The following TEAD1 variants were observed in gnomAD, a reference collection of about 807,000 sequenced individuals.
TEAD1 encodes the protein TEA domain transcription factor 1, also known as transcriptional enhancer factor TEF-1.
A neutral mutation model predicts 54.9 loss-of-function variants in TEAD1; 9 were observed. The ratio of observed to expected loss-of-function variants is 0.16; its 90% CI spans 0.10 to 0.29. TEAD1 has a LOEUF of 0.29. Ranked by LOEUF, TEAD1 falls within the 10% of genes least tolerant of loss-of-function variation. The probability of loss-of-function intolerance (pLI) is 1.00; values close to 1 mark genes in which losing one functional copy is unlikely to be tolerated. For synonymous variants in TEAD1, 200 were observed against 187.8 expected, an observed-to-expected ratio of 1.07 and a Z score of -0.53; for missense variants, 387 against 535.9, an observed-to-expected ratio of 0.72 and a Z score of 2.74.
chr11:12,863,992 G>A (rs1947559574), intron 4 of TEAD1, among the ~76,000 whole-genome samples: 1 of 151,180 alleles, frequency 6.6e-6, no homozygotes, highest in Non-Finnish European at 1.5e-5. Flanking sequence ...CACACATTTC[G>A]CTTTGTAATA....
At chr11:12,711,739 C>A (rs1057069763) in intron 2 of TEAD1, among the ~76,000 whole-genome samples, 6 of 152,132 alleles carry the variant, frequency 3.9e-5, no homozygotes, top group Admixed American at 2.6e-4. Context: ...AGCAAGGTAA[C>A]GTGGAAGGTG....
intron 10 of TEAD1, among the ~76,000 whole-genome samples, chr11:12,904,286 A>C (rs1034271021): frequency 6.6e-6 from 1 of 152,200 alleles, no homozygotes; most frequent in African/African-American, 2.4e-5. Flanking sequence ...ATCAAGGAAA[A>C]CAAATGACAT....
In TEAD1 at chr11:12,736,971, A is replaced by G. The variant is rs186890619; in HGVS notation, c.-54-27208A>G. 7.9e-5 allele frequency among the ~76,000 whole-genome samples: 12 copies of G among 152,332 alleles called. No homozygotes were observed. In the East Asian group the frequency reaches 2.1e-3, roughly 27 times the overall value. ...TTGTATCTATATGTATGTATTAAATATAGTCAATAATACTTTATGGGACTT... is the reference window on the plus strand; with the variant it reads ...TTGTATCTATATGTATGTATTAAATGTAGTCAATAATACTTTATGGGACTT... On this transcript the variant is annotated intron_variant, in intron 2 of 12. Coordinates refer to ENST00000527636, the MANE Select transcript of TEAD1 (RefSeq NM_021961.6).
intron 9 of TEAD1, among the ~76,000 whole-genome samples, chr11:12,887,097 G>GTTT (rs150663285): frequency 3.5e-5 from 4 of 112,824 alleles, no homozygotes; most frequent in Middle Eastern, 4.3e-3. Flanking sequence ...TTTTTTGTTT[G>GTTT]TTTTTTTTTT....
At chr11:12,925,092 C>A (rs1268610808) in intron 11 of TEAD1, 40 bp downstream of exon 11, 60 of 1,610,988 alleles carry the variant, frequency 3.7e-5, no homozygotes, top group Non-Finnish European at 4.8e-5. Flanking sequence ...CATTCAAGGG[C>A]AGACTGTTGC....
rs1261885346 is a variant in TEAD1, at chr11:12,929,196, GTGTGTCTGC to G, written c.1015-976_1015-968del. On this transcript the variant is annotated intron_variant, in intron 11 of 12. Coordinates refer to ENST00000527636, the MANE Select transcript of TEAD1 (RefSeq NM_021961.6). The stretch of plus-strand genomic sequence containing the variant: ...TGTGTGTGTGTGTGTGTGTGTGTGT[GTGTGTCTGC>G]TTTAGGGTTATGTGAAATAATCTCT... 3.7e-3 allele frequency among the ~76,000 whole-genome samples: 322 copies of G among 87,670 alleles called. 2 individuals carry two copies. Among genetic ancestry groups the G allele is most frequent in the African/African-American group, 0.011 (277 of 25,210 alleles). 57.5% of individuals were successfully genotyped at this position (87,670 alleles called of 152,430 possible).
chr11:12,808,733 A>G (rs1946229809), intron 3 of TEAD1, among the ~76,000 whole-genome samples: 2 of 152,134 alleles, frequency 1.3e-5, no homozygotes, highest in South Asian at 2.1e-4. Context: ...CACAGCTGCA[A>G]TTTCTCTGCC....
intron 10 of TEAD1, among the ~76,000 whole-genome samples, chr11:12,909,262 T>G (rs1234881907): frequency 6.6e-6 from 1 of 152,242 alleles, no homozygotes; most frequent in African/African-American, 2.4e-5. Flanking sequence ...GTTCTAAAAT[T>G]GGAATGCTTC....
At chr11:12,753,081 C>T (rs1285640156) in intron 2 of TEAD1, among the ~76,000 whole-genome samples, 4 of 151,004 alleles carry the variant, frequency 2.6e-5, no homozygotes, top group African/African-American at 9.8e-5. Flanking sequence ...TGCGCTGAAG[C>T]AATCTGCCCA....
At chr11:12,840,517 C>A (rs11022516) in intron 3 of TEAD1, among the ~76,000 whole-genome samples, 1 of 152,108 alleles carries the variant, frequency 6.6e-6, no homozygotes, top group Non-Finnish European at 1.5e-5. Flanking sequence ...AATAGTCTTT[C>A]ACTTAACTTT....
chr11:12,849,032 A>G (rs970723737), intron 3 of TEAD1: 1 of 152,160 alleles, frequency 6.6e-6, no homozygotes, highest in African/African-American at 2.4e-5. Flanking sequence ...TCATTGCCCA[A>G]CTTTCTTGCT....
intron 2 of TEAD1, among the ~76,000 whole-genome samples, chr11:12,727,958 C>G (rs1439189989): frequency 6.6e-6 from 1 of 151,936 alleles, no homozygotes; most frequent in African/African-American, 2.4e-5. Context: ...TCATTAAATG[C>G]TTGAATGAAT....
intron 2 of TEAD1, among the ~76,000 whole-genome samples, chr11:12,747,599 G>A (rs922530414): frequency 3.3e-5 from 5 of 152,350 alleles, no homozygotes; most frequent in Middle Eastern, 3.4e-3. Context: ...GTCTCTCAGA[G>A]TGCTAGGATT....
At chr11:12,819,602 C>T (rs1946493599) in intron 3 of TEAD1, among the ~76,000 whole-genome samples, 1 of 152,014 alleles carries the variant, frequency 6.6e-6, no homozygotes, top group African/African-American at 2.4e-5. Context: ...GCGCCCGCCA[C>T]CAAGCCCGGC....
chr11:12,860,107 A>G (rs888456792), intron 3 of TEAD1, among the ~76,000 whole-genome samples: 8 of 152,182 alleles, frequency 5.3e-5, no homozygotes, highest in African/African-American at 1.9e-4. Context: ...AAAGTAACAC[A>G]GGAGGTTTAG....
chr11:12,819,660 C>T (rs2134000614), intron 3 of TEAD1, among the ~76,000 whole-genome samples: 1 of 152,056 alleles, frequency 6.6e-6, no homozygotes, highest in East Asian at 1.9e-4. Context: ...ACCATGTTAG[C>T]CAGGATGGTC....
intron 3 of TEAD1, among the ~76,000 whole-genome samples, chr11:12,774,237 A>G (rs1435085901): frequency 6.6e-6 from 1 of 152,176 alleles, no homozygotes; most frequent in African/African-American, 2.4e-5. Flanking sequence ...TGTGGCCACA[A>G]ATACGGTCAA....
intron 2 of TEAD1, among the ~76,000 whole-genome samples, chr11:12,716,315 T>A (rs1944061335): frequency 6.7e-6 from 1 of 149,618 alleles, no homozygotes; most frequent in African/African-American, 2.6e-5. Flanking sequence ...CAGCAGAGAG[T>A]GTGACTTCCT....
intron 3 of TEAD1, among the ~76,000 whole-genome samples, chr11:12,805,439 A>G (rs997814621): frequency 6.6e-6 from 1 of 152,206 alleles, no homozygotes; most frequent in African/African-American, 2.4e-5. Context: ...TCATAATTAT[A>G]TATTGTGGAT....
Sources: allele counts gnomAD v4.1 joint callset (sites outside exome capture counted in the v4.1 genomes callset), GRCh38; gene constraint gnomAD v4.1.1; transcripts MANE v1.5; gene names NCBI Gene and HGNC (gene_info 2026-07-23, HGNC 2026-07-21).